Variants in EEPD1 observed in about 807,000 individuals in gnomAD.
The protein encoded by EEPD1 is endonuclease/exonuclease/phosphatase family domain-containing protein 1.
A neutral mutation model predicts 46.3 loss-of-function variants in EEPD1; 17 were observed. The observed-to-expected ratio is 0.37, with a 90% CI of 0.25 to 0.55. The LOEUF is 0.55. Among genes scored for constraint, EEPD1 ranks in the 20% least tolerant of loss-of-function variants. The pLI, the probability that EEPD1 is intolerant of heterozygous loss-of-function variation, is 0.83. For missense variants in EEPD1, 673 were observed against 745.6 expected (o/e 0.90, Z 1.13); for synonymous variants, 313 against 315.6 (o/e 0.99, Z 0.09).
At chr7:36,189,228 C>G (rs1169920031) in intron 2 of EEPD1, among the ~76,000 whole-genome samples, 1 of 152,112 alleles carries the variant, frequency 6.6e-6, no homozygotes. Flanking sequence ...GGGTGGTCCC[C>G]AAAAACTATT....
chr7:36,170,276 G>A (rs929113088), intron 2 of EEPD1, among the ~76,000 whole-genome samples: 2 of 152,102 alleles, frequency 1.3e-5, no homozygotes, highest in African/African-American at 4.8e-5. Flanking sequence ...GGGCATGGTG[G>A]CGCATGTCTG....
chr7:36,175,108 C>T (rs114595177), intron 2 of EEPD1, among the ~76,000 whole-genome samples: 2 of 152,356 alleles, frequency 1.3e-5, no homozygotes, highest in South Asian at 2.1e-4. Context: ...CTGGCAAAAA[C>T]TCAGTGATTG....
At chr7:36,292,402 CTTT>C (rs1320936641) in intron 6 of EEPD1, among the ~76,000 whole-genome samples, 10 of 149,940 alleles carry the variant, frequency 6.7e-5, no homozygotes, top group Admixed American at 6.6e-5. Context: ...TTCTTTCTTT[CTTT>C]TCTTTCTTTT....
intron 2 of EEPD1, among the ~76,000 whole-genome samples, chr7:36,209,982 A>C (rs987107664): frequency 1.1e-4 from 17 of 152,042 alleles, no homozygotes; most frequent in Middle Eastern, 3.4e-3. Context: ...CAGAGGGAGG[A>C]AAAGCTCCCT....
intron 2 of EEPD1, among the ~76,000 whole-genome samples, chr7:36,222,930 C>A (rs999258371): frequency 6.6e-6 from 1 of 152,160 alleles, no homozygotes; most frequent in Non-Finnish European, 1.5e-5. Flanking sequence ...GCAGGCAGAT[C>A]GCTTGAGGTC....
chr7:36,170,791 C>T (rs952840226), intron 2 of EEPD1, among the ~76,000 whole-genome samples: 4 of 152,152 alleles, frequency 2.6e-5, no homozygotes, highest in Non-Finnish European at 5.9e-5. Context: ...GTTCATCCCC[C>T]CGACCACAAT....
At chr7:36,179,955 GC>G (rs1785245026) in intron 2 of EEPD1, among the ~76,000 whole-genome samples, 1 of 152,170 alleles carries the variant, frequency 6.6e-6, no homozygotes, top group African/African-American at 2.4e-5. Flanking sequence ...CTCTCAGGAT[GC>G]CCTTCACTGC....
chr7:36,265,629 C>T (rs1583471530), intron 3 of EEPD1, among the ~76,000 whole-genome samples: 1 of 152,232 alleles, frequency 6.6e-6, no homozygotes, highest in East Asian at 1.9e-4. Flanking sequence ...TCGTCCCTAC[C>T]CTTTCTGTTG....
Position 36,154,578 on chromosome 7 carries a change from G to A in EEPD1, c.254G>A (p.Gly85Asp). 6.2e-7 allele frequency: 1 copy of A among 1,614,144 alleles called. No homozygotes were observed. The highest frequency in any genetic ancestry group is 1.6e-4 in the Middle Eastern group (1 of 6,062). ...KKVEDLALVS[G>D]VGATKLEQVK... ...GTGGAGGACCTGGCATTGGTCAGTGGTGTAGGCGCCACCAAGCTGGAGCAG... is the reference window on the plus strand; with the variant it reads ...GTGGAGGACCTGGCATTGGTCAGTGATGTAGGCGCCACCAAGCTGGAGCAG... Residue 85 changes from glycine (G) to aspartate (D), a missense_variant, in exon 2 of 8, where the codon GGT becomes GAT. Gly to Asp is a moderately conservative substitution (Grantham distance 94, BLOSUM62 -1). Coordinates refer to ENST00000242108, the MANE Select transcript of EEPD1 (RefSeq NM_030636.3). The surrounding 1 kb of genome is among the most constrained non-coding windows in gnomAD (Gnocchi z 4.2).
chr7:36,275,933 C>A (rs542430690), intron 3 of EEPD1, among the ~76,000 whole-genome samples: 1 of 152,198 alleles, frequency 6.6e-6, no homozygotes, highest in South Asian at 2.1e-4. Context: ...GATCCACGGC[C>A]GACCCAAGAT....
intron 2 of EEPD1, among the ~76,000 whole-genome samples, chr7:36,175,546 T>TC (rs1785162569): frequency 1.3e-5 from 2 of 152,266 alleles, no homozygotes; most frequent in African/African-American, 4.8e-5. Context: ...CTTTTTTTTT[T>TC]TTAATTTGAG....
intron 3 of EEPD1, among the ~76,000 whole-genome samples, chr7:36,240,796 A>G (rs1007424061): frequency 4.6e-5 from 7 of 152,130 alleles, no homozygotes; most frequent in African/African-American, 1.7e-4. Context: ...TTTTCCGCAG[A>G]CCTGGGTTGG....
intron 2 of EEPD1, among the ~76,000 whole-genome samples, chr7:36,181,707 G>C (rs1444113148): frequency 6.6e-6 from 1 of 152,174 alleles, no homozygotes; most frequent in Admixed American, 6.5e-5. Flanking sequence ...ATTTTGTCTT[G>C]GTGCTTCCAA....
At chr7:36,158,198 C>G (rs565382300) in intron 2 of EEPD1, among the ~76,000 whole-genome samples, 1 of 152,310 alleles carries the variant, frequency 6.6e-6, no homozygotes, top group African/African-American at 2.4e-5. Context: ...TCCTTAGTGA[C>G]TCAGCTGGGA....
At chr7:36,271,031 G>C (rs756630908) in intron 3 of EEPD1, among the ~76,000 whole-genome samples, 1 of 151,912 alleles carries the variant, frequency 6.6e-6, no homozygotes, top group Non-Finnish European at 1.5e-5. Context: ...CTGTCACCCA[G>C]GCTGGAGTGC....
chr7:36,283,577 G>A (rs777924571), intron 4 of EEPD1, among the ~76,000 whole-genome samples: 2 of 152,302 alleles, frequency 1.3e-5, no homozygotes, highest in East Asian at 1.9e-4. Context: ...GTCGCCCAGG[G>A]TCCCGCGGCT....
intron 2 of EEPD1, among the ~76,000 whole-genome samples, chr7:36,218,434 T>C (rs1310316287): frequency 1.3e-5 from 2 of 151,788 alleles, no homozygotes; most frequent in East Asian, 3.9e-4. Flanking sequence ...TGTAATAAAA[T>C]TTATGTGAAT....
intron 2 of EEPD1, among the ~76,000 whole-genome samples, chr7:36,236,358 C>T (rs572903256): frequency 6.6e-6 from 1 of 152,356 alleles, no homozygotes; most frequent in South Asian, 2.1e-4. Context: ...CTTGGCAAGC[C>T]CCGCACTAGG....
At chr7:36,258,933 G>A (rs543108419) in intron 3 of EEPD1, among the ~76,000 whole-genome samples, 9 of 151,246 alleles carry the variant, frequency 6.0e-5, no homozygotes, top group South Asian at 2.1e-4. Context: ...CTGCCCAAAC[G>A]GCCACCCAGT....
Sources: allele counts gnomAD v4.1 joint callset (sites outside exome capture counted in the v4.1 genomes callset), GRCh38; gene constraint gnomAD v4.1.1; non-coding constraint Gnocchi (gnomAD v3.1); transcripts MANE v1.5; gene names NCBI Gene and HGNC (gene_info 2026-07-23, HGNC 2026-07-21).